The following CDK13 variants were observed in gnomAD, a reference collection of about 807,000 sequenced individuals.
CDK13 encodes cyclin-dependent kinase 13.
CDK13 carries 40 observed loss-of-function variants against 137.6 expected under a neutral mutation model. The ratio of observed to expected loss-of-function variants is 0.29; its 90% CI spans 0.23 to 0.38. The LOEUF is 0.38. Ranked by LOEUF, CDK13 falls within the 10% of genes least tolerant of loss-of-function variation. The pLI is 1.00. For synonymous variants in CDK13, 869 were observed against 760.1 expected, an observed-to-expected ratio of 1.14 and a Z score of -2.36; for missense variants, 1,704 against 1,951.8, an observed-to-expected ratio of 0.87 and a Z score of 2.39.
intron 7 of CDK13, among the ~76,000 whole-genome samples, chr7:40,050,011 A>G (rs951726597): frequency 2.0e-5 from 3 of 151,380 alleles, no homozygotes; most frequent in African/African-American, 7.3e-5. Flanking sequence ...ACAGAGTCTC[A>G]CTCTGTCGCC....
chr7:40,005,320 T>C (rs112455982), intron 5 of CDK13, among the ~76,000 whole-genome samples: 14 of 151,172 alleles, frequency 9.3e-5, no homozygotes, highest in African/African-American at 3.2e-4. Flanking sequence ...ACCCAAGTCT[T>C]GCTCTGTTGC....
rs1787023282 is a variant in CDK13 at position 40,095,212 on chromosome 7, A to G, written c.*232A>G. 1 of 322,016 alleles carries G rather than the reference A, an allele frequency of 3.1e-6. No homozygotes were observed. Among genetic ancestry groups the G allele is most frequent in the African/African-American group, 2.1e-5 (1 of 46,980 alleles). 19.9% of individuals were successfully genotyped at this position (322,016 alleles called of 1,614,324 possible). A position where few individuals can be genotyped will look rare whatever the true frequency, so the allele number is the denominator to read the frequency against. On this transcript the variant is annotated 3_prime_UTR_variant, in exon 14 of 14. Coordinates refer to ENST00000181839, the MANE Select transcript of CDK13 (RefSeq NM_003718.5). ...ACATCTTCACAAATTCTAGTTAACA[A>G]TTTTATTTTGTATTCTTGCAGTTTT...
chr7:40,009,192 C>T (rs1167586611), intron 5 of CDK13, among the ~76,000 whole-genome samples: 2 of 152,198 alleles, frequency 1.3e-5, no homozygotes, highest in African/African-American at 2.4e-5. Flanking sequence ...TTATTGATTA[C>T]CAAATGGAAG....
intron 7 of CDK13, chr7:40,049,186 A>G (rs2150518150): frequency 6.7e-6 from 1 of 148,416 alleles, no homozygotes; most frequent in East Asian, 2.0e-4. Flanking sequence ...CTCCAAAAAA[A>G]AAAAAAAAAA....
chr7:40,094,167 C>T lies in CDK13; in HGVS notation c.3726C>T (p.Ile1242=). The T allele has an allele frequency of 6.2e-7, 1 of 1,613,992 alleles. No individual in the cohort carries two copies. Among genetic ancestry groups the T allele is most frequent in the Non-Finnish European group, 8.5e-7 (1 of 1,179,998 alleles). The change falls in exon 14 of 14, where the codon ATC becomes ATT. Residue 1242 remains isoleucine (I), a synonymous_variant. Transcript: ENST00000181839. ...DDLIQHQDMR[I]LELTPEPDRP... ...TCATCCAGCATCAAGATATGAGGAT[C>T]TTGGAGCTAACGCCAGAACCAGACC...
intron 12 of CDK13, among the ~76,000 whole-genome samples, chr7:40,088,634 G>C (rs1041547921): frequency 6.6e-6 from 1 of 152,100 alleles, no homozygotes; most frequent in African/African-American, 2.4e-5. Context: ...TACTCTCAGT[G>C]AGGCTCAGCA....
chr7:40,014,156 A>G (rs752076536), intron 5 of CDK13, among the ~76,000 whole-genome samples: 26 of 133,226 alleles, frequency 2.0e-4, no homozygotes, highest in Non-Finnish European at 3.1e-4. Context: ...GCAGTCTCCG[A>G]CTCCCGGGTT....
chr7:40,035,523 T>G (rs1021574718), intron 5 of CDK13, among the ~76,000 whole-genome samples: 1 of 152,068 alleles, frequency 6.6e-6, no homozygotes, highest in Non-Finnish European at 1.5e-5. Flanking sequence ...AACCCTATTG[T>G]GAACTGCACA....
intron 5 of CDK13, among the ~76,000 whole-genome samples, chr7:40,021,123 A>ACACACACACACC (rs1785113632): frequency 2.0e-5 from 1 of 49,346 alleles, no homozygotes; most frequent in African/African-American, 3.8e-5. Context: ...ATATATATAT[A>ACACACACACACC]CACACACACA....
At chr7:39,983,030 A>G (rs1583942714) in intron 1 of CDK13, among the ~76,000 whole-genome samples, 1 of 151,926 alleles carries the variant, frequency 6.6e-6, no homozygotes, top group Non-Finnish European at 1.5e-5. Flanking sequence ...ATTAGATCCC[A>G]TTTGTCAATT....
chr7:40,004,470 A>C (rs1239035732), intron 5 of CDK13, among the ~76,000 whole-genome samples: 1 of 152,244 alleles, frequency 6.6e-6, no homozygotes, highest in African/African-American at 2.4e-5. Flanking sequence ...AGAATGTGAG[A>C]GGTTATAAAA....
chr7:39,982,848 C>CT (rs1417725818), intron 1 of CDK13, among the ~76,000 whole-genome samples: 14 of 152,170 alleles, frequency 9.2e-5, no homozygotes, highest in African/African-American at 3.4e-4. Flanking sequence ...CCTCTGCCCA[C>CT]TTTTTGATGG....
At chr7:40,052,839 G>C (rs1785923654) in intron 7 of CDK13, among the ~76,000 whole-genome samples, 1 of 152,154 alleles carries the variant, frequency 6.6e-6, no homozygotes, top group Non-Finnish European at 1.5e-5. Context: ...ATGCTGATCT[G>C]GGAGAAGGTG....
intron 4 of CDK13, 78 bp downstream of exon 4, chr7:39,999,578 C>T (rs766315535): frequency 1.4e-6 from 2 of 1,383,820 alleles, no homozygotes; most frequent in Non-Finnish European, 1.9e-6. Flanking sequence ...TGTTTGGCTT[C>T]AGAAATTTTC....
chr7:40,015,212 C>G (rs975308283), intron 5 of CDK13, among the ~76,000 whole-genome samples: 2 of 152,086 alleles, frequency 1.3e-5, no homozygotes, highest in Non-Finnish European at 2.9e-5. Context: ...AGATGCACAT[C>G]AGGAGATGAC....
intron 1 of CDK13, chr7:39,952,869 A>G (rs959652151): frequency 1.3e-5 from 2 of 152,182 alleles, no homozygotes; most frequent in African/African-American, 4.8e-5. Flanking sequence ...AGTGTGCCTT[A>G]AAATATACTT....
rs1787168428 is a variant in CDK13 at position 39,951,172 on chromosome 7, C to G, written c.531C>G (p.Ser177Arg). 8.0e-7 allele frequency: 1 copy of G among 1,242,966 alleles called. No individual in the cohort carries two copies. Among genetic ancestry groups the G allele is most frequent in the Non-Finnish European group, 1.0e-6 (1 of 995,332 alleles). The allele number at this position is 1,242,966 out of a possible 1,614,324, so 77.0% of individuals were successfully genotyped here. A position where few individuals can be genotyped will look rare whatever the true frequency, so the allele number is the denominator to read the frequency against. ...CGGCTGCCGGGGGAACGGGGGGCAG[C>G]GGCGGGAGTCCGGCCTCCTCCTCCG... ...AATAAGGTGGSGGSPASSSGT... is the reference protein window; with the variant it reads ...AATAAGGTGGRGGSPASSSGT... Residue 177 changes from serine to arginine, a missense_variant, in exon 1 of 14, where the codon AGC becomes AGG. Ser to Arg is a moderately radical substitution (Grantham distance 110, BLOSUM62 -1). Coordinates refer to ENST00000181839, the MANE Select transcript of CDK13 (RefSeq NM_003718.5).
At position 39,950,396 on chromosome 7, in the gene CDK13, A is replaced by G; in HGVS notation, c.-246A>G. ...TTTCGCTGCCGAGGATAGGACGACG[A>G]GCGCAATCGGGAGCTCCGCCGCCCG... On this transcript the variant is annotated 5_prime_UTR_variant, in exon 1 of 14. Transcript: ENST00000181839. The G allele has an allele frequency of 8.1e-7, 1 of 1,227,650 alleles. No individual in the cohort carries two copies. Among genetic ancestry groups the G allele is most frequent in the Non-Finnish European group, 1.0e-6 (1 of 985,388 alleles). 76.0% of individuals were successfully genotyped at this position (1,227,650 alleles called of 1,614,324 possible).
At chr7:39,983,643 A>G (rs544893644) in intron 1 of CDK13, among the ~76,000 whole-genome samples, 1 of 152,272 alleles carries the variant, frequency 6.6e-6, no homozygotes, top group East Asian at 1.9e-4. Flanking sequence ...CCAGTGTAGG[A>G]AAAGTTGATT....
Sources: gnomAD v4.1 joint callset for allele counts (sites outside exome capture counted in the v4.1 genomes callset) on GRCh38, gnomAD v4.1.1 for gene constraint, MANE v1.5 for transcripts, NCBI Gene and HGNC (gene_info 2026-07-23, HGNC 2026-07-21) for gene names.